MGRN1: variants seen among roughly 807,000 people sequenced by gnomAD.
MGRN1 encodes E3 ubiquitin-protein ligase MGRN1.
MGRN1 carries 29 observed loss-of-function variants against 69.2 expected under a neutral mutation model. The ratio of observed to expected loss-of-function variants is 0.42; its 90% CI spans 0.31 to 0.57. MGRN1 has a LOEUF of 0.57. Ranked by LOEUF, MGRN1 falls within the 20% of genes least tolerant of loss-of-function variation. MGRN1 has a pLI of 0.15. For synonymous variants in MGRN1, 470 were observed against 344.2 expected (o/e 1.37, Z -4.04); for missense variants, 998 against 796.2 (o/e 1.25, Z -3.05).
chr16:4,666,661 C>T (rs764617483), intron 7 of MGRN1, among the ~76,000 whole-genome samples: 1 of 152,212 alleles, frequency 6.6e-6, no homozygotes, highest in Non-Finnish European at 1.5e-5. Context: ...TGGGTGTCAC[C>T]TGGCACATGT....
chr16:4,668,376 C>G, intron 8 of MGRN1, 64 bp downstream of exon 8: 1 of 1,541,868 alleles, frequency 6.5e-7, no homozygotes, highest in Non-Finnish European at 9.0e-7. Flanking sequence ...ATCACTCACA[C>G]GCATACTCAT....
chr16:4,670,271 C>T (rs915109817), intron 8 of MGRN1, among the ~76,000 whole-genome samples: 2 of 152,090 alleles, frequency 1.3e-5, no homozygotes, highest in Non-Finnish European at 2.9e-5. Context: ...GAGATGGAGT[C>T]TCACTCTGTC....
chr16:4,657,472 T>C (rs2078573030), intron 5 of MGRN1, 109 bp downstream of exon 5: 2 of 1,114,028 alleles, frequency 1.8e-6, no homozygotes, highest in African/African-American at 1.5e-5. Flanking sequence ...CCAGGGTTCA[T>C]AAGACCTGGG....
In MGRN1 at chr16:4,677,944, C is replaced by T. The variant is rs182500402; in HGVS notation, c.1065+372C>T. On this transcript the variant is annotated intron_variant, in intron 11 of 16. Transcript: ENST00000262370. ...GCTCACTGCAGCCTCGACCTCCCGC[C>T]TCAAGCAATTCCCCCATTTCAGCCT... Among the ~76,000 whole-genome samples, 351 of 151,916 alleles carry T rather than the reference C, an allele frequency of 2.3e-3. 2 individuals are homozygous for T. Among genetic ancestry groups the T allele is most frequent in the African/African-American group, 8.0e-3 (330 of 41,444 alleles).
chr16:4,640,942 G>A (rs1596266501), intron 1 of MGRN1, among the ~76,000 whole-genome samples: 1 of 152,220 alleles, frequency 6.6e-6, no homozygotes, highest in East Asian at 1.9e-4. Context: ...GAAAGTGTGG[G>A]CCTTGTCTGC....
chr16:4,687,787 C>T, intron 16 of MGRN1: 1 of 985,472 alleles, frequency 1.0e-6, no homozygotes, highest in Non-Finnish European at 1.2e-6. Flanking sequence ...GAGGCCCTTT[C>T]CCCTTGGGTG....
At chr16:4,680,873 G>A (rs1390777654) in intron 12 of MGRN1, among the ~76,000 whole-genome samples, 2 of 152,184 alleles carry the variant, frequency 1.3e-5, no homozygotes, top group Admixed American at 6.5e-5. Context: ...CAGGAGCTCG[G>A]TCAGGCAGGC....
intron 15 of MGRN1, 60 bp from the exon 16 acceptor site, chr16:4,683,783 A>G: frequency 1.3e-6 from 2 of 1,495,760 alleles, no homozygotes; most frequent in Non-Finnish European, 1.8e-6. Context: ...TCCTGCCCAG[A>G]GGGACCTGCC....
intron 1 of MGRN1, chr16:4,640,204 G>C (rs910950919): frequency 6.6e-6 from 1 of 152,292 alleles, no homozygotes; most frequent in Non-Finnish European, 1.5e-5. Flanking sequence ...AAGGCTTCTT[G>C]GCTCACTCTG....
intron 5 of MGRN1, among the ~76,000 whole-genome samples, chr16:4,658,307 A>G (rs1041267969): frequency 6.8e-6 from 1 of 147,984 alleles, no homozygotes; most frequent in East Asian, 2.1e-4. Context: ...AGGCCGAGGC[A>G]GGCGGATCAC....
At chr16:4,642,128 C>CTTT (rs34264611) in intron 1 of MGRN1, among the ~76,000 whole-genome samples, 82 of 128,750 alleles carry the variant, frequency 6.4e-4, no homozygotes, top group South Asian at 2.9e-3. Flanking sequence ...GACTTGGTTC[C>CTTT]TTTTTTTTTT....
At chr16:4,672,985 C>T (rs377352733) in intron 9 of MGRN1, among the ~76,000 whole-genome samples, 65 of 152,262 alleles carry the variant, frequency 4.3e-4, no homozygotes, top group East Asian at 3.9e-3. Context: ...ACTACAAGCA[C>T]GTGCCACCAT....
intron 5 of MGRN1, among the ~76,000 whole-genome samples, chr16:4,660,447 G>T (rs1377889773): frequency 6.6e-6 from 1 of 152,172 alleles, no homozygotes; most frequent in East Asian, 1.9e-4. Context: ...TTCCACACCA[G>T]TAAAGCACTG....
chr16:4,660,049 A>T (rs1473228372), intron 5 of MGRN1, among the ~76,000 whole-genome samples: 1 of 152,200 alleles, frequency 6.6e-6, no homozygotes, highest in East Asian at 1.9e-4. Flanking sequence ...CCCCGAAGAG[A>T]ACCTGAGGGG....
chr16:4,663,159 T>C (rs1259596076), intron 5 of MGRN1, among the ~76,000 whole-genome samples: 4 of 152,208 alleles, frequency 2.6e-5, no homozygotes, highest in Admixed American at 2.6e-4. Flanking sequence ...CGCCTCCCGA[T>C]TTCAAGTGAT....
chr16:4,664,497 A>G (rs2078753829), intron 5 of MGRN1: 1 of 596,614 alleles, frequency 1.7e-6, no homozygotes, highest in Admixed American at 3.0e-5. Context: ...CGTAGTTAAA[A>G]TGGCAGATTT....
chr16:4,688,919 G>A lies in MGRN1; in HGVS notation c.*11G>A, dbSNP rs202153684. 7,181 of 1,535,096 alleles carry A rather than the reference G, an allele frequency of 4.7e-3. 30 individuals are homozygous for A. The highest frequency in any genetic ancestry group is 6.3e-3 in the Admixed American group (318 of 50,556). On this transcript the variant is annotated 3_prime_UTR_variant, in exon 17 of 17. Coordinates refer to ENST00000262370, the MANE Select transcript of MGRN1 (RefSeq NM_015246.4). Reference sequence around the variant, plus strand: ...CTGACCCCACTCTGAGAGCCTGGCCGAGCTGGCAGCATGGAGCCCTCGGCT... The same window carrying A: ...CTGACCCCACTCTGAGAGCCTGGCCAAGCTGGCAGCATGGAGCCCTCGGCT...
chr16:4,661,274 A>C (rs1277266738), intron 5 of MGRN1, among the ~76,000 whole-genome samples: 1 of 152,040 alleles, frequency 6.6e-6, no homozygotes, highest in African/African-American at 2.4e-5. Flanking sequence ...CCACCACGTC[A>C]GGCCCACCAG....
intron 11 of MGRN1, 68 bp from the exon 12 acceptor site, chr16:4,679,964 C>G (rs2079141433): frequency 6.9e-7 from 1 of 1,457,048 alleles, no homozygotes; most frequent in African/African-American, 1.4e-5. Flanking sequence ...GCCAGTCAGA[C>G]CTGTCCAGCC....
Sources: allele counts gnomAD v4.1 joint callset (sites outside exome capture counted in the v4.1 genomes callset), GRCh38; gene constraint gnomAD v4.1.1; transcripts MANE v1.5; gene names NCBI Gene and HGNC (gene_info 2026-07-23, HGNC 2026-07-21).